Variants in CLASP1 observed in about 807,000 individuals in gnomAD.
The protein encoded by CLASP1 is CLIP-associating protein 1.
CLASP1 carries 38 observed loss-of-function variants against 192.3 expected under a neutral mutation model. The observed-to-expected ratio is 0.20, with a 90% CI of 0.15 to 0.26. The LOEUF (loss-of-function observed/expected upper bound fraction) is 0.26, where lower values mean the gene tolerates loss of function less well. Ranked by LOEUF, CLASP1 falls within the 10% of genes least tolerant of loss-of-function variation. The pLI, the probability that CLASP1 is intolerant of heterozygous loss-of-function variation, is 1.00. For missense variants in CLASP1, 1,433 were observed against 1,932.5 expected (o/e 0.74, Z 4.85); for synonymous variants, 691 against 712.8 (o/e 0.97, Z 0.49).
chr2:121,400,998 G>C (rs2076084703), intron 28 of CLASP1, among the ~76,000 whole-genome samples: 1 of 152,140 alleles, frequency 6.6e-6, no homozygotes, highest in African/African-American at 2.4e-5. Context: ...ACTTTTCTGG[G>C]CTTCAGCAGC....
intron 1 of CLASP1, among the ~76,000 whole-genome samples, chr2:121,611,038 G>A (rs2065339657): frequency 6.8e-6 from 1 of 146,038 alleles, no homozygotes; most frequent in Non-Finnish European, 1.5e-5. Context: ...ACTGGAGGAG[G>A]ACGAGTTGGA....
Position 121,397,392 on chromosome 2 carries a change from C to T in CLASP1, c.2980-109G>A, listed in dbSNP as rs1194371969. ...AACCCTGGTGAGGGGGATCTCCTTCCTTTCTCCTGTATCGATAGTTTCCAC... is the reference window on the plus strand; with the variant it reads ...AACCCTGGTGAGGGGGATCTCCTTCTTTTCTCCTGTATCGATAGTTTCCAC... On this transcript the variant is annotated intron_variant, in intron 29 of 39. Transcript: ENST00000263710. The T allele has an allele frequency of 3.4e-6, 3 of 889,812 alleles. No homozygotes were observed. In the East Asian group the frequency reaches 7.8e-5, roughly 23 times the overall value. 55.1% of individuals were successfully genotyped at this position (889,812 alleles called of 1,614,324 possible). A position where few individuals can be genotyped will look rare whatever the true frequency, so the allele number is the denominator to read the frequency against.
At chr2:121,535,804 G>A (rs144495658) in intron 2 of CLASP1, among the ~76,000 whole-genome samples, 134 of 151,772 alleles carry the variant, frequency 8.8e-4, no homozygotes, top group African/African-American at 3.0e-3. Flanking sequence ...GACTACAGGC[G>A]CGTGCCAACA....
intron 2 of CLASP1, among the ~76,000 whole-genome samples, chr2:121,546,121 T>C (rs1316786289): frequency 1.3e-5 from 2 of 152,194 alleles, no homozygotes; most frequent in Non-Finnish European, 1.5e-5. Context: ...TTTCCTGTGA[T>C]TTATCACATC....
chr2:121,517,590 C>G (rs1002236719), intron 6 of CLASP1, among the ~76,000 whole-genome samples: 1 of 152,118 alleles, frequency 6.6e-6, no homozygotes, highest in African/African-American at 2.4e-5. Context: ...CATGGTGGCT[C>G]ACACCTGTAA....
At chr2:121,470,755 T>TAC (rs2090568507) in intron 8 of CLASP1, 3 of 388,236 alleles carry the variant, frequency 7.7e-6, no homozygotes, top group Non-Finnish European at 1.5e-5. Context: ...GTGCCAAAAT[T>TAC]ATCAGAGAGG....
intron 2 of CLASP1, among the ~76,000 whole-genome samples, chr2:121,583,994 T>C (rs2061471039): frequency 6.6e-6 from 1 of 152,162 alleles, no homozygotes; most frequent in Admixed American, 6.5e-5. Context: ...CGTTTGTCCC[T>C]TCCAGAGGAT....
At chr2:121,609,464 A>G (rs977843284) in intron 1 of CLASP1, among the ~76,000 whole-genome samples, 1 of 152,210 alleles carries the variant, frequency 6.6e-6, no homozygotes, top group Non-Finnish European at 1.5e-5. Flanking sequence ...TAAAAAAGGT[A>G]ACTATTCTCT....
At chr2:121,611,731 T>G (rs1216832006) in intron 1 of CLASP1, among the ~76,000 whole-genome samples, 4 of 108,674 alleles carry the variant, frequency 3.7e-5, no homozygotes, top group Non-Finnish European at 5.9e-5. Flanking sequence ...GGAGGAGGTG[T>G]TGGAGGAGTT....
intron 9 of CLASP1, among the ~76,000 whole-genome samples, chr2:121,467,009 C>T (rs2089720826): frequency 1.3e-5 from 2 of 152,214 alleles, no homozygotes; most frequent in African/African-American, 4.8e-5. Context: ...GTGTGTTTTC[C>T]TCACCCATGT....
At chr2:121,623,096 TA>T (rs1460125067) in intron 1 of CLASP1, among the ~76,000 whole-genome samples, 1 of 152,064 alleles carries the variant, frequency 6.6e-6, no homozygotes, top group Non-Finnish European at 1.5e-5. Flanking sequence ...TTTAAAAAAT[TA>T]AAGACTATAT....
At chr2:121,531,268 G>A (rs1438876026) in intron 2 of CLASP1, among the ~76,000 whole-genome samples, 5 of 152,154 alleles carry the variant, frequency 3.3e-5, no homozygotes, top group Admixed American at 6.5e-5. Context: ...TTCAATAGGA[G>A]ACGAAGTTTC....
chr2:121,621,865 T>C (rs1235565555), intron 1 of CLASP1, among the ~76,000 whole-genome samples: 2 of 152,198 alleles, frequency 1.3e-5, no homozygotes, highest in African/African-American at 2.4e-5. Flanking sequence ...TGTTTGTTTA[T>C]GAGACGGAGT....
exon 12 of CLASP1, chr2:121,459,996 C>T: frequency 6.2e-7 from 1 of 1,612,546 alleles, no homozygotes; most frequent in Non-Finnish European, 8.5e-7. Context: ...GTGATACAAG[C>T]CTCCCGCACT....
At chr2:121,629,243 A>G (rs1329017796) in intron 1 of CLASP1, among the ~76,000 whole-genome samples, 2 of 151,968 alleles carry the variant, frequency 1.3e-5, no homozygotes, top group Non-Finnish European at 2.9e-5. Flanking sequence ...ACAAAAAATT[A>G]GCCTGGCATG....
intron 2 of CLASP1, among the ~76,000 whole-genome samples, chr2:121,569,080 C>T (rs191283002): frequency 5.3e-4 from 80 of 152,192 alleles, no homozygotes; most frequent in African/African-American, 1.9e-3. Context: ...GCCACCATGT[C>T]CCAAGCACTG....
intron 1 of CLASP1, among the ~76,000 whole-genome samples, chr2:121,635,563 C>T (rs1457536139): frequency 6.6e-6 from 1 of 152,122 alleles, no homozygotes; most frequent in African/African-American, 2.4e-5. Context: ...GATTACAAAA[C>T]GGACTCCCCA....
chr2:121,567,606 T>C (rs752474807), intron 2 of CLASP1, among the ~76,000 whole-genome samples: 1 of 152,208 alleles, frequency 6.6e-6, no homozygotes, highest in African/African-American at 2.4e-5. Flanking sequence ...CGTGCAAACG[T>C]CTCCTCTGCT....
intron 1 of CLASP1, among the ~76,000 whole-genome samples, chr2:121,610,988 T>A (rs1165445894): frequency 1.5e-4 from 8 of 54,370 alleles, no homozygotes; most frequent in Admixed American, 5.8e-4. Flanking sequence ...GAAGAGGAAC[T>A]GGAGGAGGAG....
Sources: gnomAD v4.1 joint callset for allele counts (sites outside exome capture counted in the v4.1 genomes callset) on GRCh38, gnomAD v4.1.1 for gene constraint, MANE v1.5 for transcripts, NCBI Gene and HGNC (gene_info 2026-07-23, HGNC 2026-07-21) for gene names.